LAMA2: variants seen among roughly 807,000 people sequenced by gnomAD.
The protein encoded by LAMA2 is laminin subunit alpha 2, also known as laminin subunit alpha-2.
A neutral mutation model predicts 364.8 loss-of-function variants in LAMA2; 269 were observed. The observed-to-expected ratio is 0.74, with a 90% confidence interval of 0.67 to 0.82. The LOEUF is 0.82. Among genes scored for constraint, LAMA2 ranks in the 40% least tolerant of loss-of-function variants. The pLI is 0.00. For synonymous variants in LAMA2, 1,379 were observed against 1,370.6 expected (o/e 1.01, Z -0.14); for missense variants, 3,807 against 3,873.2 (o/e 0.98, Z 0.45).
rs1420422420 is a variant in LAMA2 at position 129,393,188 on chromosome 6, C to T, written c.5378C>T (p.Ala1793Val). Residue 1793 changes from alanine to valine, a missense_variant, in exon 37 of 65, where the codon GCC becomes GTC. This residue lies in a region of LAMA2 where 3,333 missense variants were observed against 3,345.7 expected (regional missense o/e 1.00). Coordinates refer to ENST00000421865, the MANE Select transcript of LAMA2 (RefSeq NM_000426.4). ...GATGCTTGGGACCTTTTGAGAGAAGCCACAGATAAAATCAGAGAAGCTAAT... is the reference window on the plus strand; with the variant it reads ...GATGCTTGGGACCTTTTGAGAGAAGTCACAGATAAAATCAGAGAAGCTAAT... ...VDDAWDLLRE[A>V]TDKIREANRL... is the part of the protein sequence containing the mutation. The T allele has an allele frequency of 3.1e-6, 5 of 1,613,974 alleles. No homozygotes were observed. Among genetic ancestry groups the T allele is most frequent in the Middle Eastern group, 1.7e-4 (1 of 6,060 alleles).
chr6:129,491,542 C>A (rs1477720495), intron 56 of LAMA2, among the ~76,000 whole-genome samples: 1 of 152,226 alleles, frequency 6.6e-6, no homozygotes, highest in African/African-American at 2.4e-5. Flanking sequence ...AAGGAAGACC[C>A]CATGCTTTGC....
At chr6:129,367,473 G>A (rs1326828627) in intron 33 of LAMA2, among the ~76,000 whole-genome samples, 1 of 152,126 alleles carries the variant, frequency 6.6e-6, no homozygotes, top group Admixed American at 6.5e-5. Context: ...CACAGAGACT[G>A]GAGAAATCAG....
intron 3 of LAMA2, among the ~76,000 whole-genome samples, chr6:129,082,518 C>T (rs1774129277): frequency 6.6e-6 from 1 of 152,100 alleles, no homozygotes; most frequent in African/African-American, 2.4e-5. Flanking sequence ...ATATATTTCT[C>T]TATTGATTGC....
chr6:129,101,822 A>G (rs915597276), intron 4 of LAMA2, among the ~76,000 whole-genome samples: 1 of 152,204 alleles, frequency 6.6e-6, no homozygotes, highest in Non-Finnish European at 1.5e-5. Context: ...ATCAGTTCAG[A>G]AAACTGTTCA....
chr6:129,159,254 C>G lies in LAMA2; in HGVS notation c.1206+4571C>G, dbSNP rs1023122944. 2.8e-5 allele frequency: 22 copies of G among 778,186 alleles called. No individual in the cohort carries two copies. In the South Asian group the frequency reaches 3.0e-4, roughly 11 times the overall value. The allele number at this position is 778,186 out of a possible 1,614,324, so 48.2% of individuals were successfully genotyped here. ...AGCACTTGACAATGACTTCAACTCC[C>G]ACTGCTTTCTTACGACTCCTCCAAG... is the stretch of plus-strand genomic sequence containing the variant. On this transcript the variant is annotated intron_variant, in intron 8 of 64. Coordinates refer to ENST00000421865, the MANE Select transcript of LAMA2 (RefSeq NM_000426.4).
chr6:128,980,565 A>C (rs1490413736), intron 1 of LAMA2, among the ~76,000 whole-genome samples: 1 of 152,176 alleles, frequency 6.6e-6, no homozygotes, highest in Non-Finnish European at 1.5e-5. Context: ...AGTTTAGGAA[A>C]CTGATGTTTA....
chr6:129,082,693 T>G (rs1033506324), intron 3 of LAMA2, among the ~76,000 whole-genome samples: 80 of 152,156 alleles, frequency 5.3e-4, no homozygotes, highest in Non-Finnish European at 2.1e-4. Flanking sequence ...TTGAATATCT[T>G]GAGACTAGCT....
rs368167658 is a variant in LAMA2, at chr6:128,906,033, G to T, written c.112+22676G>T. Among the ~76,000 whole-genome samples, 3 of 146,408 alleles carry T rather than the reference G, an allele frequency of 2.0e-5. No homozygotes were observed. In the East Asian group the frequency reaches 5.9e-4, roughly 29 times the overall value. On this transcript the variant is annotated intron_variant, in intron 1 of 64. Transcript: ENST00000421865. ...CCACATTTTCTTAATCCAGTCTATC[G>T]TTGTTGGACATTTGGGTTGGTTCCA...
chr6:129,398,094 C>T (rs188128428), intron 37 of LAMA2, among the ~76,000 whole-genome samples: 94 of 152,218 alleles, frequency 6.2e-4, no homozygotes, highest in Admixed American at 2.2e-3. Flanking sequence ...AATTAACACA[C>T]GTGTGGAAAT....
intron 1 of LAMA2, among the ~76,000 whole-genome samples, chr6:129,023,526 G>A (rs3935856): frequency 0.57 from 87,040 of 152,082 alleles, 28,854 homozygotes; most frequent in East Asian, 0.96. Flanking sequence ...TGTACTTTCT[G>A]TATTCTATAC....
chr6:129,426,544 T>C (rs1220936361), intron 40 of LAMA2, among the ~76,000 whole-genome samples: 1 of 152,050 alleles, frequency 6.6e-6, no homozygotes, highest in Non-Finnish European at 1.5e-5. Context: ...GCAATGAGAA[T>C]TCCTGTTTTT....
intron 1 of LAMA2, 136 bp from the exon 2 acceptor site, chr6:129,049,782 G>T: frequency 1.3e-6 from 1 of 741,994 alleles, no homozygotes. Context: ...TGAATTGTCA[G>T]GTATTTATCA....
At chr6:129,317,442 T>A (rs1774682273) in intron 27 of LAMA2, among the ~76,000 whole-genome samples, 1 of 152,198 alleles carries the variant, frequency 6.6e-6, no homozygotes, top group East Asian at 1.9e-4. Context: ...AGAAAACCTT[T>A]TATTTCATGC....
At chr6:129,032,435 GA>G (rs1460784122) in intron 1 of LAMA2, among the ~76,000 whole-genome samples, 1 of 152,184 alleles carries the variant, frequency 6.6e-6, no homozygotes, top group Non-Finnish European at 1.5e-5. Context: ...TATGTGAAGT[GA>G]AGGAGCGTTA....
chr6:129,312,943 CT>C lies in LAMA2; in HGVS notation c.3258del (p.Gly1087ValfsTer52). 4 of 1,614,200 alleles carry C rather than the reference CT, an allele frequency of 2.5e-6. No homozygotes were observed. Among genetic ancestry groups the C allele is most frequent in the Non-Finnish European group, 3.4e-6 (4 of 1,180,040 alleles). ...CAATGCAACTGTCATCCAAAATTCT[CT>C]GGTGCAAAATGTACAGAGTGCAGTC... ...TGQCNCHPKF[S>X]GAKCTECSRG... On this transcript the variant is annotated frameshift_variant, in exon 23 of 65. Coordinates refer to ENST00000421865, the MANE Select transcript of LAMA2 (RefSeq NM_000426.4). LOFTEE classifies it high-confidence loss of function.
intron 1 of LAMA2, among the ~76,000 whole-genome samples, chr6:128,961,318 GATATATATATATATATATATAT>G (rs58772123): frequency 0.1 from 5,781 of 57,798 alleles, 604 homozygotes; most frequent in African/African-American, 0.18. Flanking sequence ...GAACTAATAT[GATATATATATATATATATATAT>G]ATATATATAT....
At chr6:129,369,799 T>C (rs1777968605) in intron 33 of LAMA2, 93 bp from the exon 34 acceptor site, 1 of 1,057,800 alleles carries the variant, frequency 9.5e-7, no homozygotes, top group Non-Finnish European at 1.5e-6. Context: ...GTGAGAAGGC[T>C]AAGTTCCTTT....
At chr6:129,372,277 G>C (rs995885795) in intron 34 of LAMA2, among the ~76,000 whole-genome samples, 11 of 152,062 alleles carry the variant, frequency 7.2e-5, no homozygotes, top group African/African-American at 2.2e-4. Flanking sequence ...TTTACTGCCC[G>C]AAAACTCCTC....
intron 51 of LAMA2, among the ~76,000 whole-genome samples, chr6:129,472,000 A>T (rs949582627): frequency 2.0e-5 from 3 of 151,996 alleles, no homozygotes; most frequent in African/African-American, 7.2e-5. Context: ...ATTCTGAAAG[A>T]TGATGAGTTG....
Sources: allele counts gnomAD v4.1 joint callset (sites outside exome capture counted in the v4.1 genomes callset), GRCh38; gene constraint gnomAD v4.1.1; regional missense constraint gnomAD v4.1.1; transcripts MANE v1.5; gene names NCBI Gene and HGNC (gene_info 2026-07-23, HGNC 2026-07-21).